Variants in FAM168A observed in about 807,000 individuals in gnomAD.
FAM168A encodes the protein protein FAM168A.
In FAM168A, 3 loss-of-function variants were observed where a neutral mutation model predicts 28.5. The observed-to-expected ratio is 0.11, with a 90% confidence interval of 0.05 to 0.27. The LOEUF (loss-of-function observed/expected upper bound fraction) is 0.27. FAM168A is among the 10% of genes least tolerant of loss of function. FAM168A has a pLI of 1.00. For missense variants in FAM168A, 222 were observed against 311.5 expected, an observed-to-expected ratio of 0.71 and a Z score of 2.16; for synonymous variants, 122 against 124.2, an observed-to-expected ratio of 0.98 and a Z score of 0.12.
intron 1 of FAM168A, among the ~76,000 whole-genome samples, chr11:73,480,738 A>C (rs1452175716): frequency 6.6e-6 from 1 of 151,958 alleles, no homozygotes; most frequent in Non-Finnish European, 1.5e-5. Flanking sequence ...ACAACAACAA[A>C]AACAGAAGTT....
intron 2 of FAM168A, among the ~76,000 whole-genome samples, chr11:73,444,720 G>T (rs1867268197): frequency 6.6e-6 from 1 of 152,150 alleles, no homozygotes; most frequent in African/African-American, 2.4e-5. Context: ...GGCATTAGCT[G>T]AAACAAATCT....
Position 73,411,891 on chromosome 11 carries a change from C to T in FAM168A, c.278-355G>A, listed in dbSNP as rs1295503286. Among the ~76,000 whole-genome samples, 4 of 152,166 alleles carry T rather than the reference C, an allele frequency of 2.6e-5. No individual in the cohort carries two copies. In the South Asian group the frequency reaches 6.2e-4, roughly 24 times the overall value. ...GGGCAGGTGCACAGAGATGGAAACCCTCAACTCACTTGCTCTTTATTGCTA... is the reference window on the plus strand; with the variant it reads ...GGGCAGGTGCACAGAGATGGAAACCTTCAACTCACTTGCTCTTTATTGCTA... On this transcript the variant is annotated intron_variant, in intron 4 of 7. Coordinates refer to ENST00000356467, the MANE Select transcript of FAM168A (RefSeq NM_015159.3).
At chr11:73,460,980 C>A (rs554548371) in intron 2 of FAM168A, among the ~76,000 whole-genome samples, 87 of 152,194 alleles carry the variant, frequency 5.7e-4, no homozygotes, top group African/African-American at 2.0e-3. Flanking sequence ...GATTGGCTGC[C>A]AGAGGTCTGG....
intron 1 of FAM168A, among the ~76,000 whole-genome samples, chr11:73,564,449 C>G (rs552098384): frequency 3.6e-4 from 54 of 152,104 alleles, no homozygotes; most frequent in African/African-American, 1.0e-3. Context: ...AAAAAGAAGG[C>G]TAGAGGTGGC....
intron 2 of FAM168A, among the ~76,000 whole-genome samples, chr11:73,446,848 C>T (rs796904751): frequency 5.9e-5 from 9 of 152,330 alleles, no homozygotes; most frequent in African/African-American, 2.2e-4. Context: ...CATCTCATTA[C>T]ATCCAGAGAG....
In FAM168A at chr11:73,580,179, C is replaced by A. The variant is rs558641459; in HGVS notation, c.-19+17744G>T. On this transcript the variant is annotated intron_variant, in intron 1 of 7. Coordinates refer to ENST00000356467, the MANE Select transcript of FAM168A (RefSeq NM_015159.3). The stretch of plus-strand genomic sequence containing the variant: ...AGAAGAGGTGAGAACGACCCCCAGA[C>A]CAACCAAAGCCTGTGCTCCGCTGCA... 3.8e-5 allele frequency: 16 copies of A among 417,174 alleles called. No individual in the cohort carries two copies. In the East Asian group the frequency reaches 9.1e-4, roughly 24 times the overall value. The allele number at this position is 417,174 out of a possible 1,614,324, so 25.8% of individuals were successfully genotyped here. A position where few individuals can be genotyped will look rare whatever the true frequency, so the allele number is the denominator to read the frequency against.
At chr11:73,457,500 T>C (rs1316156692) in intron 2 of FAM168A, among the ~76,000 whole-genome samples, 3 of 151,082 alleles carry the variant, frequency 2.0e-5, no homozygotes, top group African/African-American at 4.8e-5. Flanking sequence ...GAATTTCTGT[T>C]GATGAAAAAG....
At chr11:73,456,466 T>G (rs1867533766) in intron 2 of FAM168A, among the ~76,000 whole-genome samples, 1 of 152,212 alleles carries the variant, frequency 6.6e-6, no homozygotes, top group Admixed American at 6.5e-5. Flanking sequence ...ATGGAAAGCA[T>G]GTCTCTCACT....
At chr11:73,594,165 G>C (rs1007044441) in intron 1 of FAM168A, among the ~76,000 whole-genome samples, 1 of 152,062 alleles carries the variant, frequency 6.6e-6, no homozygotes, top group Non-Finnish European at 1.5e-5. Flanking sequence ...AGGGAAGCAC[G>C]ATCATGGCTC....
chr11:73,563,449 C>G (rs1160328701), intron 1 of FAM168A, among the ~76,000 whole-genome samples: 1 of 152,164 alleles, frequency 6.6e-6, no homozygotes, highest in Non-Finnish European at 1.5e-5. Flanking sequence ...ATTGTCATCA[C>G]TAATAAATAT....
intron 1 of FAM168A, among the ~76,000 whole-genome samples, chr11:73,492,719 C>T (rs1166387122): frequency 2.6e-5 from 4 of 151,940 alleles, no homozygotes; most frequent in Admixed American, 6.6e-5. Flanking sequence ...AGAGGTGGCA[C>T]AGATGATAAG....
intron 1 of FAM168A, among the ~76,000 whole-genome samples, chr11:73,543,374 C>T (rs969576256): frequency 6.6e-6 from 1 of 150,394 alleles, no homozygotes; most frequent in Non-Finnish European, 1.5e-5. Context: ...AGCAATTCTG[C>T]CTCAGCCTCC....
chr11:73,574,096 C>G (rs1425170568), intron 1 of FAM168A, among the ~76,000 whole-genome samples: 1 of 152,046 alleles, frequency 6.6e-6, no homozygotes, highest in Non-Finnish European at 1.5e-5. Context: ...GTACTCCAGC[C>G]TGGGTGACAG....
intron 1 of FAM168A, among the ~76,000 whole-genome samples, chr11:73,477,921 GTAGATAGATAGATAGATAGATAGA>G (rs35031500): frequency 3.4e-5 from 5 of 147,192 alleles, no homozygotes; most frequent in Admixed American, 2.0e-4. Flanking sequence ...AAGCTGATAT[GTAGATAGATAGATAGATAGATAGA>G]TAGATAGATA....
At chr11:73,567,345 C>T (rs925848994) in intron 1 of FAM168A, among the ~76,000 whole-genome samples, 1 of 152,048 alleles carries the variant, frequency 6.6e-6, no homozygotes, top group Non-Finnish European at 1.5e-5. Flanking sequence ...AAAAGGATAA[C>T]GAGTTCGGTT....
intron 3 of FAM168A, among the ~76,000 whole-genome samples, chr11:73,428,793 A>G (rs1866933695): frequency 6.6e-6 from 1 of 152,188 alleles, no homozygotes; most frequent in Non-Finnish European, 1.5e-5. Context: ...GTGCTGAGAT[A>G]CCATTATAGA....
intron 2 of FAM168A, among the ~76,000 whole-genome samples, chr11:73,439,345 G>A (rs1275824610): frequency 6.6e-6 from 1 of 152,182 alleles, no homozygotes; most frequent in African/African-American, 2.4e-5. Context: ...GCTCTGAGTT[G>A]TGCTGCATCT....
rs192240830 is a variant in FAM168A, at chr11:73,527,239, C to T, written c.-18-58747G>A. The stretch of plus-strand genomic sequence containing the variant: ...GTTTGGAAGGAAACTCATGGGGAAA[C>T]GACTCCATGGTTCCATCTAGATACA... On this transcript the variant is annotated intron_variant, in intron 1 of 7. Transcript: ENST00000356467. Among the ~76,000 whole-genome samples, 471 of 152,222 alleles carry T rather than the reference C, an allele frequency of 3.1e-3. 3 individuals are homozygous for T. Among genetic ancestry groups the T allele is most frequent in the African/African-American group, 0.011 (444 of 41,532 alleles).
chr11:73,429,760 G>A (rs936918867), intron 3 of FAM168A, among the ~76,000 whole-genome samples: 6 of 152,130 alleles, frequency 3.9e-5, no homozygotes, highest in Admixed American at 2.0e-4. Context: ...TAGCACATTA[G>A]TACTGCAGTG....
Sources: allele counts gnomAD v4.1 joint callset (sites outside exome capture counted in the v4.1 genomes callset), GRCh38; gene constraint gnomAD v4.1.1; transcripts MANE v1.5; gene names NCBI Gene and HGNC (gene_info 2026-07-23, HGNC 2026-07-21).